CD58: variants seen among roughly 807,000 people sequenced by gnomAD.
The protein encoded by CD58 is CD58 molecule, also known as lymphocyte function-associated antigen 3.
CD58 carries 14 observed loss-of-function variants against 27.6 expected under a neutral mutation model. The observed-to-expected ratio is 0.51, with a 90% CI of 0.34 to 0.79. The LOEUF (loss-of-function observed/expected upper bound fraction) is 0.79, where lower values mean the gene tolerates loss of function less well. Ranked by LOEUF, CD58 falls within the 30% of genes least tolerant of loss-of-function variation. The pLI, the probability that CD58 is intolerant of heterozygous loss-of-function variation, is 0.02. For synonymous variants in CD58, 117 were observed against 103.8 expected, an observed-to-expected ratio of 1.13 and a Z score of -0.77; for missense variants, 268 against 301.7, an observed-to-expected ratio of 0.89 and a Z score of 0.83.
chr1:116,565,642 A>C (rs1658904739), intron 1 of CD58, among the ~76,000 whole-genome samples: 2 of 151,862 alleles, frequency 1.3e-5, no homozygotes, highest in Admixed American at 1.3e-4. Flanking sequence ...AAAAAAATAC[A>C]TAGAGTGTTA....
intron 1 of CD58, among the ~76,000 whole-genome samples, chr1:116,562,935 C>T (rs1658805135): frequency 6.6e-6 from 1 of 152,168 alleles, no homozygotes. Context: ...CCAACAGTCC[C>T]TCAAAATCTT....
chr1:116,569,918 C>G (rs1659083295), intron 1 of CD58, among the ~76,000 whole-genome samples: 1 of 152,202 alleles, frequency 6.6e-6, no homozygotes, highest in Non-Finnish European at 1.5e-5. Context: ...TCTTACAACA[C>G]TGACTTATCT....
chr1:116,537,856 T>A (rs920101244), intron 2 of CD58, among the ~76,000 whole-genome samples: 1 of 152,188 alleles, frequency 6.6e-6, no homozygotes, highest in East Asian at 1.9e-4. Context: ...GATAATAAAG[T>A]ATTGATACAT....
rs1657491389 is a variant in CD58 at position 116,528,379 on chromosome 1, T to C, written c.629-6396A>G. ...TCTTAGGAGTAAGATCAAAGGGTGT[T>C]TTTTTGAGGCTCTACCTTCAGTGAC... On this transcript the variant is annotated intron_variant, in intron 3 of 5. Transcript: ENST00000369489. The surrounding 1 kb of genome is among the most constrained non-coding windows in gnomAD (Gnocchi z 4.4). 6.6e-6 allele frequency among the ~76,000 whole-genome samples: 1 copy of C among 152,214 alleles called. No homozygotes were observed. The highest frequency in any genetic ancestry group is 6.5e-5 in the Admixed American group (1 of 15,280).
chr1:116,550,321 G>A lies in CD58; in HGVS notation c.71-5717C>T, dbSNP rs1462324876. On this transcript the variant is annotated intron_variant, in intron 1 of 5. Coordinates refer to ENST00000369489, the MANE Select transcript of CD58 (RefSeq NM_001779.3). This position sits in a 1 kb window ranked among gnomAD's most constrained non-coding sequence, Gnocchi z 4.2. ...GTAAATTTTCTCAAATCCTGCTGCT[G>A]CTTTATCAACTAAATTTATGTAATA... Among the ~76,000 whole-genome samples the A allele has an allele frequency of 6.6e-6, 1 of 152,188 alleles. No individual in the cohort carries two copies. Among genetic ancestry groups the A allele is most frequent in the Non-Finnish European group, 1.5e-5 (1 of 68,040 alleles).
chr1:116,519,404 C>A lies in CD58; in HGVS notation c.707-137G>T. 1.3e-6 allele frequency: 1 copy of A among 768,906 alleles called. No individual in the cohort carries two copies. Among genetic ancestry groups the A allele is most frequent in the South Asian group, 1.5e-5 (1 of 67,664 alleles). The allele number at this position is 768,906 out of a possible 1,614,324, so 47.6% of individuals were successfully genotyped here. Reference sequence around the variant, plus strand: ...CATCACCCTGGGATTTCCTGCTATCCTATATGCTTTAAATCAAATCGGCTA... The same window carrying A: ...CATCACCCTGGGATTTCCTGCTATCATATATGCTTTAAATCAAATCGGCTA... On this transcript the variant is annotated intron_variant, in intron 4 of 5. Transcript: ENST00000369489. This position sits in a 1 kb window ranked among gnomAD's most constrained non-coding sequence, Gnocchi z 4.7.
intron 1 of CD58, among the ~76,000 whole-genome samples, chr1:116,549,917 C>T (rs1177396707): frequency 6.6e-6 from 1 of 152,104 alleles, no homozygotes; most frequent in African/African-American, 2.4e-5. Flanking sequence ...TTTCTGGTTT[C>T]CCAGGGCATA....
At chr1:116,567,568 G>T (rs1188948964) in intron 1 of CD58, among the ~76,000 whole-genome samples, 1 of 152,164 alleles carries the variant, frequency 6.6e-6, no homozygotes, top group East Asian at 1.9e-4. Context: ...AGCCTCAGAG[G>T]TCGAGGCTGG....
intron 1 of CD58, among the ~76,000 whole-genome samples, chr1:116,566,602 A>G (rs936470837): frequency 1.3e-5 from 2 of 152,176 alleles, no homozygotes; most frequent in Admixed American, 6.5e-5. Context: ...CTGTGCCAGA[A>G]AGTAAGGAAG....
At chr1:116,547,607 A>G (rs546926434) in intron 1 of CD58, among the ~76,000 whole-genome samples, 55 of 152,076 alleles carry the variant, frequency 3.6e-4, no homozygotes, top group Middle Eastern at 3.4e-3. Flanking sequence ...GGGATTACAG[A>G]CACGAGCCAC....
chr1:116,542,951 G>A (rs1390125048), intron 2 of CD58, among the ~76,000 whole-genome samples: 3 of 152,192 alleles, frequency 2.0e-5, no homozygotes, highest in East Asian at 3.8e-4. Flanking sequence ...TTCAAGATTT[G>A]AGGAGAGAAA....
At chr1:116,564,150 A>G (rs1288438017) in intron 1 of CD58, among the ~76,000 whole-genome samples, 1 of 152,244 alleles carries the variant, frequency 6.6e-6, no homozygotes, top group Non-Finnish European at 1.5e-5. Flanking sequence ...TCTCAAGTTC[A>G]AAGTTCCACG....
At chr1:116,525,606 G>A (rs1400917832) in intron 3 of CD58, among the ~76,000 whole-genome samples, 1 of 152,150 alleles carries the variant, frequency 6.6e-6, no homozygotes, top group African/African-American at 2.4e-5. Context: ...GTAAGAAACT[G>A]CCAAACTGTC....
At chr1:116,547,472 C>T (rs553185066) in intron 1 of CD58, among the ~76,000 whole-genome samples, 1 of 151,860 alleles carries the variant, frequency 6.6e-6, no homozygotes, top group East Asian at 1.9e-4. Context: ...ACTACAGGCG[C>T]CCACCACCAT....
rs1463827860 is a variant in CD58, at chr1:116,528,184, T to C, written c.629-6201A>G. 6.6e-6 allele frequency among the ~76,000 whole-genome samples: 1 copy of C among 152,258 alleles called. No individual in the cohort carries two copies. On this transcript the variant is annotated intron_variant, in intron 3 of 5. Coordinates refer to ENST00000369489, the MANE Select transcript of CD58 (RefSeq NM_001779.3). The surrounding 1 kb of genome is among the most constrained non-coding windows in gnomAD (Gnocchi z 4.4). ...CCAAAAATCCTCCTACTTCTGTTTC[T>C]GCCTGTTACATTTCATCTGGTTCAA...
At chr1:116,535,912 T>A in intron 3 of CD58, 53 bp downstream of exon 3, 2 of 1,338,934 alleles carry the variant, frequency 1.5e-6, no homozygotes, top group Non-Finnish European at 2.1e-6. Context: ...CTTGTGTTAG[T>A]CACCACATCT....
rs1035310136 is a variant in CD58 at position 116,535,612 on chromosome 1, C to T, written c.628+353G>A. On this transcript the variant is annotated intron_variant, in intron 3 of 5. Transcript: ENST00000369489. ...ATCCCAGCACTTTGGGAGGCCGAGG[C>T]GGGCGGATCACGAGGTCAGGAGATC... 1.4e-4 allele frequency among the ~76,000 whole-genome samples: 14 copies of T among 98,254 alleles called. 1 individual carries two copies. Among genetic ancestry groups the T allele is most frequent in the South Asian group, 4.9e-4 (1 of 2,040 alleles). 64.5% of individuals were successfully genotyped at this position (98,254 alleles called of 152,430 possible).
At position 116,532,891 on chromosome 1, in the gene CD58, C is replaced by T. The variant is rs1226424763; in HGVS notation, c.628+3074G>A. 1.1e-5 allele frequency: 9 copies of T among 788,312 alleles called. No homozygotes were observed. Among genetic ancestry groups the T allele is most frequent in the African/African-American group, 1.7e-5 (1 of 58,420 alleles). 48.8% of individuals were successfully genotyped at this position (788,312 alleles called of 1,614,324 possible). ...AAAGACTGAGGCCTCCCGCTACAGG[C>T]CCGGAGTCGCGACAGCCGGTCTGCC... On this transcript the variant is annotated intron_variant, in intron 3 of 5. Transcript: ENST00000369489. The surrounding 1 kb of genome is among the most constrained non-coding windows in gnomAD (Gnocchi z 5.1).
intron 3 of CD58, chr1:116,533,395 C>T (rs1657681552): frequency 2.3e-6 from 2 of 851,142 alleles, no homozygotes; most frequent in African/African-American, 3.3e-5. Context: ...TCAGCCTTAT[C>T]TGGTTCTGAT....
Sources: gnomAD v4.1 joint callset for allele counts (sites outside exome capture counted in the v4.1 genomes callset) on GRCh38, gnomAD v4.1.1 for gene constraint, Gnocchi (gnomAD v3.1) non-coding constraint, MANE v1.5 for transcripts, NCBI Gene and HGNC (gene_info 2026-07-23, HGNC 2026-07-21) for gene names.